KCNT2: variants seen among roughly 807,000 people sequenced by gnomAD.
The protein encoded by KCNT2 is potassium sodium-activated channel subfamily T member 2, also known as potassium channel subfamily T member 2.
KCNT2 carries 67 observed loss-of-function variants against 153.8 expected under a neutral mutation model. The ratio of observed to expected loss-of-function variants is 0.44; its 90% confidence interval spans 0.36 to 0.53. The LOEUF is 0.53. KCNT2 is among the 20% of genes least tolerant of loss of function. The pLI, the probability that KCNT2 is intolerant of heterozygous loss-of-function variation, is 0.00. For synonymous variants in KCNT2, 500 were observed against 458.8 expected (o/e 1.09, Z -1.15); for missense variants, 975 against 1,354.8 (o/e 0.72, Z 4.40).
chr1:196,253,406 T>C (rs1454975565), intron 26 of KCNT2, among the ~76,000 whole-genome samples: 1 of 151,514 alleles, frequency 6.6e-6, no homozygotes, highest in Admixed American at 6.6e-5. Context: ...ATTTGGTCTC[T>C]TCTATCTTCA....
chr1:196,538,288 G>A (rs1353256555), intron 1 of KCNT2, among the ~76,000 whole-genome samples: 4 of 152,068 alleles, frequency 2.6e-5, no homozygotes, highest in African/African-American at 9.7e-5. Context: ...TACCCATGTT[G>A]TGGCTACATG....
Position 196,429,614 on chromosome 1 carries a change from G to A in KCNT2, c.782C>T (p.Ala261Val). ...ETWSSKLFVVAMICVALVVLP... is the reference protein window; with the variant it reads ...ETWSSKLFVVVMICVALVVLP... ...AACCACAAGAGCAACACAAATCATA[G>A]CAACTACAAAAAGCTTGGAGGACCA... The change falls in exon 9 of 28, where the codon GCT (alanine) becomes GTT (valine). Residue 261 changes from alanine to valine, a missense_variant. Coordinates refer to ENST00000294725, the MANE Select transcript of KCNT2 (RefSeq NM_198503.5). 1 of 1,612,480 alleles carries A rather than the reference G, an allele frequency of 6.2e-7. No homozygotes were observed. Among genetic ancestry groups the A allele is most frequent in the Non-Finnish European group, 8.5e-7 (1 of 1,179,226 alleles).
At chr1:196,568,890 G>C (rs1008478232) in intron 1 of KCNT2, among the ~76,000 whole-genome samples, 4 of 151,914 alleles carry the variant, frequency 2.6e-5, no homozygotes, top group African/African-American at 9.7e-5. Flanking sequence ...AAAATTCATA[G>C]CTGTTGGTTC....
chr1:196,458,916 TC>T, intron 8 of KCNT2, among the ~76,000 whole-genome samples: 1 of 152,034 alleles, frequency 6.6e-6, no homozygotes, highest in Admixed American at 6.6e-5. Context: ...TCTAACACTT[TC>T]ATCCATTCCT....
At chr1:196,337,409 C>T (rs2148135399) in intron 16 of KCNT2, among the ~76,000 whole-genome samples, 1 of 152,232 alleles carries the variant, frequency 6.6e-6, no homozygotes, top group South Asian at 2.1e-4. Context: ...GAGTTGAGCA[C>T]TCAGCATAGG....
chr1:196,478,577 C>T (rs1409460161), intron 5 of KCNT2, among the ~76,000 whole-genome samples: 2 of 152,092 alleles, frequency 1.3e-5, no homozygotes, highest in African/African-American at 2.4e-5. Flanking sequence ...GTTTCCTTTT[C>T]ATTCCATGAT....
chr1:196,602,762 CAA>C (rs1240007947), intron 1 of KCNT2, among the ~76,000 whole-genome samples: 2 of 140,604 alleles, frequency 1.4e-5, no homozygotes, highest in Non-Finnish European at 3.0e-5. Flanking sequence ...TATATATATT[CAA>C]AGTCTATTTT....
At chr1:196,467,865 A>T (rs907051396) in intron 6 of KCNT2, 79 bp from the exon 7 acceptor site, 10 of 702,358 alleles carry the variant, frequency 1.4e-5, no homozygotes, top group Non-Finnish European at 2.1e-5. Flanking sequence ...AAGAAATGGA[A>T]AAAAAGCTGT....
At chr1:196,570,091 A>C (rs1224426724) in intron 1 of KCNT2, among the ~76,000 whole-genome samples, 1 of 84,172 alleles carries the variant, frequency 1.2e-5, no homozygotes. Context: ...AAAAAAAAAA[A>C]AAAAAAATTA....
intron 1 of KCNT2, among the ~76,000 whole-genome samples, chr1:196,516,971 C>G (rs1682108689): frequency 6.6e-6 from 1 of 152,172 alleles, no homozygotes; most frequent in African/African-American, 2.4e-5. Context: ...CAGCCTGAGT[C>G]TCCAACCACC....
chr1:196,334,200 A>G (rs970768667), intron 16 of KCNT2, 140 bp from the exon 17 acceptor site: 7 of 594,488 alleles, frequency 1.2e-5, no homozygotes, highest in Non-Finnish European at 2.0e-5. Flanking sequence ...TGTGGTGTAT[A>G]AGTTTAGTTC....
At chr1:196,259,789 T>C (rs1656839690) in intron 25 of KCNT2, among the ~76,000 whole-genome samples, 2 of 151,934 alleles carry the variant, frequency 1.3e-5, no homozygotes, top group African/African-American at 4.8e-5. Context: ...CAAAAAATCT[T>C]CATCTCTTCA....
At chr1:196,366,033 T>C (rs1375437795) in intron 14 of KCNT2, among the ~76,000 whole-genome samples, 2 of 152,214 alleles carry the variant, frequency 1.3e-5, no homozygotes, top group Non-Finnish European at 2.9e-5. Flanking sequence ...AACATTCTTA[T>C]AATGGCCTAG....
intron 1 of KCNT2, among the ~76,000 whole-genome samples, chr1:196,580,501 T>C (rs372680317): frequency 5.6e-4 from 86 of 152,258 alleles, no homozygotes; most frequent in African/African-American, 2.0e-3. Flanking sequence ...GGTGAAACAC[T>C]ATCAATAGGT....
At chr1:196,361,199 C>T (rs1022961711) in intron 14 of KCNT2, among the ~76,000 whole-genome samples, 1 of 150,590 alleles carries the variant, frequency 6.6e-6, no homozygotes, top group African/African-American at 2.4e-5. Context: ...CTCCAACAGA[C>T]ACCAGACACA....
intron 1 of KCNT2, among the ~76,000 whole-genome samples, chr1:196,559,520 T>C (rs1272254927): frequency 6.6e-6 from 1 of 151,758 alleles, no homozygotes; most frequent in East Asian, 1.9e-4. Context: ...AACATTTCAA[T>C]GCTCTTGATA....
chr1:196,387,199 G>T (rs111705688), intron 13 of KCNT2, among the ~76,000 whole-genome samples: 2,864 of 151,910 alleles, frequency 0.019, 92 homozygotes, highest in African/African-American at 0.065. Flanking sequence ...TTTATAAAGT[G>T]AATTATAAAG....
chr1:196,559,293 A>G (rs1009801053), intron 1 of KCNT2, among the ~76,000 whole-genome samples: 4 of 151,684 alleles, frequency 2.6e-5, no homozygotes, highest in Admixed American at 6.6e-5. Flanking sequence ...AAAAAACACC[A>G]TATTTCCCAT....
intron 1 of KCNT2, among the ~76,000 whole-genome samples, chr1:196,586,155 T>C (rs770298982): frequency 6.6e-6 from 1 of 152,066 alleles, no homozygotes; most frequent in Non-Finnish European, 1.5e-5. Context: ...TCCCAGCTAC[T>C]TGGGAGGCTG....
Sources: gnomAD v4.1 joint callset for allele counts (sites outside exome capture counted in the v4.1 genomes callset) on GRCh38, gnomAD v4.1.1 for gene constraint, MANE v1.5 for transcripts, NCBI Gene and HGNC (gene_info 2026-07-23, HGNC 2026-07-21) for gene names.